FER: variants seen among roughly 807,000 people sequenced by gnomAD.
FER encodes the protein FER tyrosine kinase, also known as tyrosine-protein kinase Fer.
In FER, 63 loss-of-function variants were observed where a neutral mutation model predicts 111.0. The ratio of observed to expected loss-of-function variants is 0.57; its 90% CI spans 0.46 to 0.70. The LOEUF is 0.70. FER is among the 30% of genes least tolerant of loss of function. FER has a pLI of 0.00. For missense variants in FER, 914 were observed against 954.0 expected (o/e 0.96, Z 0.55); for synonymous variants, 327 against 313.9 (o/e 1.04, Z -0.44).
intron 17 of FER, among the ~76,000 whole-genome samples, chr5:109,146,233 A>G (rs1198783797): frequency 1.1e-5 from 1 of 89,268 alleles, no homozygotes; most frequent in East Asian, 2.5e-4. Context: ...TTATCTATCT[A>G]ATATATATAT....
At chr5:108,954,209 G>C (rs1288954226) in intron 11 of FER, among the ~76,000 whole-genome samples, 2 of 151,970 alleles carry the variant, frequency 1.3e-5, no homozygotes, top group Non-Finnish European at 2.9e-5. Context: ...AAGGAAGTCA[G>C]GTGAGTGAAG....
At chr5:109,016,800 T>A (rs1767196218) in intron 13 of FER, among the ~76,000 whole-genome samples, 1 of 152,046 alleles carries the variant, frequency 6.6e-6, no homozygotes, top group Non-Finnish European at 1.5e-5. Context: ...TCCTCTCAGA[T>A]TCATATGTTG....
At chr5:109,121,582 A>C (rs1750982259) in intron 17 of FER, among the ~76,000 whole-genome samples, 1 of 152,084 alleles carries the variant, frequency 6.6e-6, no homozygotes, top group African/African-American at 2.4e-5. Context: ...ATCCGGTTTT[A>C]GTATCAGGTT....
intron 17 of FER, among the ~76,000 whole-genome samples, chr5:109,172,197 C>A (rs1234704559): frequency 6.6e-6 from 1 of 151,770 alleles, no homozygotes; most frequent in Non-Finnish European, 1.5e-5. Flanking sequence ...ATGCTTATTG[C>A]GGCACTATTC....
At chr5:108,939,045 G>C (rs1463677436) in intron 10 of FER, among the ~76,000 whole-genome samples, 1 of 151,930 alleles carries the variant, frequency 6.6e-6, no homozygotes, top group Non-Finnish European at 1.5e-5. Flanking sequence ...TAAAATCTGT[G>C]GGACTACAGA....
In FER at chr5:108,859,064, A is replaced by G. The variant is rs1763269840; in HGVS notation, c.482-8703A>G. Reference sequence around the variant, plus strand: ...GTATACTTACATGTGATTTTGTTAGATATTGCCAAATTTCCTTCTATAAGG... The same window carrying G: ...GTATACTTACATGTGATTTTGTTAGGTATTGCCAAATTTCCTTCTATAAGG... On this transcript the variant is annotated intron_variant, in intron 5 of 19. Coordinates refer to ENST00000281092, the MANE Select transcript of FER (RefSeq NM_005246.4). Among the ~76,000 whole-genome samples the G allele has an allele frequency of 2.0e-5, 3 of 152,236 alleles. No individual in the cohort carries two copies. The South Asian group carries it at 6.2e-4, about 32-fold the overall frequency.
chr5:108,834,811 A>T (rs1760443433), intron 4 of FER, among the ~76,000 whole-genome samples: 1 of 151,552 alleles, frequency 6.6e-6, no homozygotes, highest in African/African-American at 2.4e-5. Context: ...TTATATTTAT[A>T]TTTTTTGTTT....
At chr5:109,158,782 C>G (rs72798566) in intron 17 of FER, among the ~76,000 whole-genome samples, 2,293 of 152,250 alleles carry the variant, frequency 0.015, 34 homozygotes, top group Non-Finnish European at 0.021. Context: ...ATCTCCACCT[C>G]TGCTCAGGTT....
chr5:108,816,386 A>ACTCT (rs1337836843), intron 3 of FER, among the ~76,000 whole-genome samples: 3 of 151,986 alleles, frequency 2.0e-5, no homozygotes, highest in Non-Finnish European at 4.4e-5. Context: ...ATTTTGAATA[A>ACTCT]CTCTCCCCTT....
At chr5:108,963,434 C>T (rs1364197570) in intron 13 of FER, among the ~76,000 whole-genome samples, 1 of 151,998 alleles carries the variant, frequency 6.6e-6, no homozygotes, top group East Asian at 1.9e-4. Context: ...TGGTGGCACA[C>T]ACCTATAATC....
intron 13 of FER, among the ~76,000 whole-genome samples, chr5:109,002,443 C>T (rs1203762852): frequency 6.6e-5 from 10 of 151,616 alleles, no homozygotes; most frequent in Non-Finnish European, 8.8e-5. Flanking sequence ...AAACTGGATC[C>T]CTTCCTTATA....
At chr5:108,759,890 A>C (rs1160790299) in intron 1 of FER, among the ~76,000 whole-genome samples, 4 of 152,250 alleles carry the variant, frequency 2.6e-5, no homozygotes, top group Non-Finnish European at 4.4e-5. Flanking sequence ...TGGAGAGCAC[A>C]CATTCAAACT....
At chr5:108,808,322 T>C (rs1241565763) in intron 3 of FER, among the ~76,000 whole-genome samples, 2 of 152,168 alleles carry the variant, frequency 1.3e-5, no homozygotes, top group Non-Finnish European at 2.9e-5. Flanking sequence ...TTAAGTCTTC[T>C]TGTTGAATTA....
intron 13 of FER, among the ~76,000 whole-genome samples, chr5:108,982,364 A>T (rs1762103219): frequency 6.6e-6 from 1 of 152,116 alleles, no homozygotes; most frequent in Non-Finnish European, 1.5e-5. Flanking sequence ...ACCTTTGGTA[A>T]TAAGAGAAAA....
At chr5:109,066,741 T>C (rs1289814769) in intron 16 of FER, among the ~76,000 whole-genome samples, 1 of 152,238 alleles carries the variant, frequency 6.6e-6, no homozygotes, top group African/African-American at 2.4e-5. Flanking sequence ...AATTACACTA[T>C]TTGTTAAATA....
At chr5:108,980,903 T>G (rs767240012) in intron 13 of FER, among the ~76,000 whole-genome samples, 17 of 152,116 alleles carry the variant, frequency 1.1e-4, no homozygotes, top group Non-Finnish European at 2.4e-4. Flanking sequence ...TTGATAAAAT[T>G]TTAGTAAAAA....
At chr5:109,102,297 A>T (rs1169168019) in intron 17 of FER, among the ~76,000 whole-genome samples, 9 of 152,136 alleles carry the variant, frequency 5.9e-5, no homozygotes, top group Admixed American at 5.9e-4. Flanking sequence ...GGTTGTGCAT[A>T]GACCTATGCC....
intron 12 of FER, among the ~76,000 whole-genome samples, chr5:108,958,411 T>A (rs1758714136): frequency 6.6e-6 from 1 of 151,822 alleles, no homozygotes; most frequent in Non-Finnish European, 1.5e-5. Flanking sequence ...TTGCAATGCT[T>A]CTTGCTTTGA....
intron 17 of FER, among the ~76,000 whole-genome samples, chr5:109,123,344 G>T (rs1160925689): frequency 2.0e-5 from 3 of 151,748 alleles, no homozygotes; most frequent in Admixed American, 1.3e-4. Flanking sequence ...TTTTATTAGA[G>T]ACAGGGTTTC....
Sources: allele counts gnomAD v4.1 joint callset (sites outside exome capture counted in the v4.1 genomes callset), GRCh38; gene constraint gnomAD v4.1.1; transcripts MANE v1.5; gene names NCBI Gene and HGNC (gene_info 2026-07-23, HGNC 2026-07-21).